MIS18A: variants seen among roughly 807,000 people sequenced by gnomAD.
MIS18A encodes the protein MIS18 kinetochore protein A.
Under a neutral mutation model 25.0 loss-of-function variants are expected in MIS18A, and 14 were observed. That is an observed-to-expected ratio of 0.56 (90% CI 0.37 to 0.88). The LOEUF is 0.88. Among genes scored for constraint, MIS18A ranks in the 40% least tolerant of loss-of-function variants. MIS18A has a pLI of 0.00. For synonymous variants in MIS18A, 134 were observed against 118.6 expected, an observed-to-expected ratio of 1.13 and a Z score of -0.84; for missense variants, 292 against 290.8, an observed-to-expected ratio of 1.00 and a Z score of -0.03.
At chr21:32,246,677 A>G in the MIS18A span, among the ~76,000 whole-genome samples, 1 of 152,046 alleles carries the variant, frequency 6.6e-6, no homozygotes, top group Non-Finnish European at 1.5e-5. Context: ...TCTTGTCCTA[A>G]ATCCTTCACT....
At chr21:32,235,806 T>A in the MIS18A span, among the ~76,000 whole-genome samples, 1 of 152,098 alleles carries the variant, frequency 6.6e-6, no homozygotes, top group Admixed American at 6.6e-5. Flanking sequence ...AGAACAAGCT[T>A]TTCTAAGGGA....
At chr21:32,210,534 T>G in the MIS18A span, among the ~76,000 whole-genome samples, 1 of 152,162 alleles carries the variant, frequency 6.6e-6, no homozygotes, top group Non-Finnish European at 1.5e-5. Context: ...ATGGGATCAG[T>G]GTATTTTAAT....
the MIS18A span, among the ~76,000 whole-genome samples, chr21:32,243,162 C>G: frequency 6.6e-6 from 1 of 152,116 alleles, no homozygotes; most frequent in African/African-American, 2.4e-5. Flanking sequence ...GAAGCAAACA[C>G]AGGAGAAAAT....
At chr21:32,167,778 C>T in the MIS18A span, among the ~76,000 whole-genome samples, 3 of 152,138 alleles carry the variant, frequency 2.0e-5, no homozygotes, top group African/African-American at 7.2e-5. Flanking sequence ...AAAATCATAC[C>T]TTCTCACATA....
the MIS18A span, among the ~76,000 whole-genome samples, chr21:32,208,481 T>C: frequency 6.6e-6 from 1 of 152,150 alleles, no homozygotes; most frequent in Non-Finnish European, 1.5e-5. Flanking sequence ...TCCACCATGA[T>C]TGTAAGTTTC....
the MIS18A span, among the ~76,000 whole-genome samples, chr21:32,251,110 C>T: frequency 6.6e-6 from 1 of 152,150 alleles, no homozygotes; most frequent in Admixed American, 6.5e-5. Context: ...TTCTAAGTTT[C>T]CTGAGGCCTC....
chr21:32,229,325 G>C, the MIS18A span, among the ~76,000 whole-genome samples: 1 of 152,220 alleles, frequency 6.6e-6, no homozygotes, highest in Admixed American at 6.5e-5. Context: ...GCAGGTGCCA[G>C]GCAAACAAGC....
At chr21:32,207,360 TG>T in the MIS18A span, among the ~76,000 whole-genome samples, 7 of 152,228 alleles carry the variant, frequency 4.6e-5, no homozygotes, top group Non-Finnish European at 8.8e-5. Flanking sequence ...CAAGGGCAGA[TG>T]TTTTTTACAT....
chr21:32,258,875 T>TTTATTTATTTAC, the MIS18A span, among the ~76,000 whole-genome samples: 1 of 101,162 alleles, frequency 9.9e-6, no homozygotes, highest in East Asian at 3.0e-4. Flanking sequence ...TATTTATTTA[T>TTTATTTATTTAC]TTACTTACTT....
At chr21:32,275,848 C>T (rs2031798174) in intron 1 of MIS18A, among the ~76,000 whole-genome samples, 1 of 152,004 alleles carries the variant, frequency 6.6e-6, no homozygotes, top group Non-Finnish European at 1.5e-5. Flanking sequence ...CACTCCAGCC[C>T]CCAAACCACC....
chr21:32,260,084 C>G, the MIS18A span: 2 of 116,980 alleles, frequency 1.7e-5, no homozygotes, highest in African/African-American at 8.3e-5. Flanking sequence ...TTTTTCTCAG[C>G]TTTTTTTTTT....
At chr21:32,210,286 C>T in the MIS18A span, among the ~76,000 whole-genome samples, 11 of 152,206 alleles carry the variant, frequency 7.2e-5, no homozygotes, top group South Asian at 1.2e-3. Flanking sequence ...TTTGTACAAC[C>T]GTATTTTAAA....
chr21:32,210,370 GTA>G, the MIS18A span, among the ~76,000 whole-genome samples: 7 of 152,264 alleles, frequency 4.6e-5, no homozygotes, highest in African/African-American at 1.7e-4. Flanking sequence ...TAGCTCATCA[GTA>G]TTGGAAATTA....
At chr21:32,253,906 T>TA in the MIS18A span, among the ~76,000 whole-genome samples, 1 of 152,298 alleles carries the variant, frequency 6.6e-6, no homozygotes, top group East Asian at 1.9e-4. Context: ...GAGTTTTTTT[T>TA]AAACAGCATT....
the MIS18A span, among the ~76,000 whole-genome samples, chr21:32,217,226 C>A: frequency 6.6e-6 from 1 of 151,562 alleles, no homozygotes; most frequent in Non-Finnish European, 1.5e-5. Flanking sequence ...GAACTGAAGA[C>A]ACATCTAAAG....
At chr21:32,236,065 T>G in the MIS18A span, among the ~76,000 whole-genome samples, 1 of 127,124 alleles carries the variant, frequency 7.9e-6, no homozygotes, top group Non-Finnish European at 1.6e-5. Flanking sequence ...ATGCCAACTG[T>G]GTTTTATTTA....
chr21:32,175,686 A>G, the MIS18A span, among the ~76,000 whole-genome samples: 1 of 150,594 alleles, frequency 6.6e-6, no homozygotes, highest in Non-Finnish European at 1.5e-5. Flanking sequence ...GGGTGCCTGT[A>G]ATCCCAGCTA....
the MIS18A span, among the ~76,000 whole-genome samples, chr21:32,243,744 G>A: frequency 2.6e-5 from 4 of 151,986 alleles, no homozygotes; most frequent in Admixed American, 6.6e-5. Flanking sequence ...AAGGCCAGGC[G>A]CGGTGGCTCA....
the MIS18A span, among the ~76,000 whole-genome samples, chr21:32,226,286 A>C: frequency 1.3e-5 from 2 of 151,658 alleles, no homozygotes; most frequent in Non-Finnish European, 2.9e-5. Context: ...ATAATAAAAA[A>C]AAAAGAAAAA....
Sources: allele counts gnomAD v4.1 joint callset (sites outside exome capture counted in the v4.1 genomes callset), GRCh38; gene constraint gnomAD v4.1.1; transcripts MANE v1.5; gene names NCBI Gene and HGNC (gene_info 2026-07-23, HGNC 2026-07-21).